The following ARFGAP2 variants were observed in gnomAD, a reference collection of about 807,000 sequenced individuals.
ARFGAP2 encodes ADP-ribosylation factor GTPase-activating protein 2.
Under a neutral mutation model 71.9 loss-of-function variants are expected in ARFGAP2, and 45 were observed. That is an observed-to-expected ratio of 0.63 (90% confidence interval 0.49 to 0.80). The LOEUF is 0.80. Ranked by LOEUF, ARFGAP2 falls within the 30% of genes least tolerant of loss-of-function variation. ARFGAP2 has a pLI of 0.00. For missense variants in ARFGAP2, 633 were observed against 673.9 expected (o/e 0.94, Z 0.67); for synonymous variants, 248 against 249.2 (o/e 1.00, Z 0.05).
chr11:47,171,937 A>C, intron 8 of ARFGAP2, 137 bp from the exon 9 acceptor site: 1 of 1,290,824 alleles, frequency 7.7e-7, no homozygotes, highest in Non-Finnish European at 1.1e-6. Flanking sequence ...CCCAACCAGC[A>C]TGGCCAAGAC....
Position 47,165,168 on chromosome 11 carries a change from G to A in ARFGAP2, c.*314C>T, listed in dbSNP as rs1044480204. On this transcript the variant is annotated 3_prime_UTR_variant, in exon 16 of 16. Transcript: ENST00000524782. ...AAGTCTGGACCCAGAATAAGCCATC[G>A]TGGGGGAACCCCCTTTCCCAGTATG... 2.7e-5 allele frequency: 10 copies of A among 365,736 alleles called. No individual in the cohort carries two copies. The highest frequency in any genetic ancestry group is 6.8e-4 in the Middle Eastern group (1 of 1,470). The allele number at this position is 365,736 out of a possible 1,614,324, so 22.7% of individuals were successfully genotyped here.
chr11:47,165,096 G>C lies in ARFGAP2; in HGVS notation c.*386C>G, dbSNP rs1410435878. On this transcript the variant is annotated 3_prime_UTR_variant, in exon 16 of 16. Transcript: ENST00000524782. ...AAGGCCTCGAACTAGAAGAACCCTA[G>C]AGCCAGCAAAAAAAGCCTTCTACCT... The C allele has an allele frequency of 9.3e-6, 2 of 215,000 alleles. No homozygotes were observed. The highest frequency in any genetic ancestry group is 1.8e-5 in the Non-Finnish European group (2 of 109,266). 13.3% of individuals were successfully genotyped at this position (215,000 alleles called of 1,614,324 possible).
In ARFGAP2 at chr11:47,171,506, T is replaced by C; in HGVS notation, c.861A>G (p.Lys287=). 2 of 1,614,218 alleles carry C rather than the reference T, an allele frequency of 1.2e-6. No homozygotes were observed. Among genetic ancestry groups the C allele is most frequent in the Non-Finnish European group, 1.7e-6 (2 of 1,180,044 alleles). ...CCAGATTCTGTAGCTTCTTTTCCTC[T>C]TTCTTACGATCAATCTGGAGCTCCT... ...AYQELQIDRK[K]EEKKLQNLEG... is the part of the protein sequence containing the mutation. Residue 287 remains lysine (K), a synonymous_variant, in exon 10 of 16, where the codon AAA becomes AAG. Transcript: ENST00000524782.
chr11:47,168,964 G>C (rs1385566705), intron 10 of ARFGAP2, among the ~76,000 whole-genome samples: 2 of 151,710 alleles, frequency 1.3e-5, no homozygotes, highest in African/African-American at 4.8e-5. Context: ...CCCAGCACCA[G>C]GGAAATGAAC....
intron 10 of ARFGAP2, among the ~76,000 whole-genome samples, chr11:47,168,824 G>A (rs1241503093): frequency 6.6e-6 from 1 of 151,984 alleles, no homozygotes; most frequent in South Asian, 2.1e-4. Context: ...TGCCTGGCTC[G>A]TGTTGTAATT....
At chr11:47,172,995 A>C in intron 7 of ARFGAP2, 1 of 354,504 alleles carries the variant, frequency 2.8e-6, no homozygotes, top group South Asian at 2.2e-5. Context: ...AGGAAAATGT[A>C]GGAAAGAGTT....
At chr11:47,166,159 G>T in intron 15 of ARFGAP2, 109 bp downstream of exon 15, 1 of 1,141,996 alleles carries the variant, frequency 8.8e-7, no homozygotes, top group Non-Finnish European at 1.3e-6. Flanking sequence ...ACCACACCCG[G>T]CCGAAAATGC....
intron 8 of ARFGAP2, 51 bp from the exon 9 acceptor site, chr11:47,171,851 C>G (rs1952613532): frequency 1.2e-6 from 2 of 1,603,908 alleles, no homozygotes; most frequent in East Asian, 2.2e-5. Context: ...CTCCTCAGAT[C>G]CCTCCCAGGT....
At chr11:47,169,412 T>C (rs954661574) in intron 10 of ARFGAP2, 16 of 152,208 alleles carry the variant, frequency 1.1e-4, no homozygotes, top group African/African-American at 3.4e-4. Context: ...GGTCTAGGGT[T>C]GGCAGGCAAT....
chr11:47,167,815 A>G (rs1451977567), intron 12 of ARFGAP2, 94 bp downstream of exon 12: 2 of 1,417,912 alleles, frequency 1.4e-6, no homozygotes, highest in African/African-American at 1.5e-5. Context: ...ATCAACACAG[A>G]AAGTTCTTCT....
rs114897638 is a variant in ARFGAP2, at chr11:47,174,126, C to T, written c.481-286G>A. Among the ~76,000 whole-genome samples the T allele has an allele frequency of 6.6e-3, 1,005 of 152,262 alleles. 7 individuals carry two copies. Among genetic ancestry groups the T allele is most frequent in the African/African-American group, 0.021 (878 of 41,542 alleles). ...CTAGGCAGGCACAGATCTAAAGGCTCCTCATATATGAATATATTTAATTAT... is the reference window on the plus strand; with the variant it reads ...CTAGGCAGGCACAGATCTAAAGGCTTCTCATATATGAATATATTTAATTAT... On this transcript the variant is annotated intron_variant, in intron 5 of 15. Coordinates refer to ENST00000524782, the MANE Select transcript of ARFGAP2 (RefSeq NM_032389.6).
chr11:47,168,057 AG>A lies in ARFGAP2; in HGVS notation c.1071-15del, dbSNP rs766721530. 6.2e-7 allele frequency: 1 copy of A among 1,614,088 alleles called. No individual in the cohort carries two copies. The highest frequency in any genetic ancestry group is 1.3e-5 in the African/African-American group (1 of 74,942). On this transcript the variant is annotated splice_polypyrimidine_tract_variant and intron_variant, in intron 11 of 15. Transcript: ENST00000524782. Reference sequence around the variant, plus strand: ...TTGTCCTTGTACCTAGGGAGACAGTAGAGTGGCTCAGAGAAGCCTGATGAGG... The same window carrying A: ...TTGTCCTTGTACCTAGGGAGACAGTAAGTGGCTCAGAGAAGCCTGATGAGG...
intron 6 of ARFGAP2, 55 bp from the exon 7 acceptor site, chr11:47,173,537 C>T (rs929789758): frequency 4.6e-6 from 7 of 1,511,808 alleles, no homozygotes; most frequent in Non-Finnish European, 6.2e-6. Context: ...TGCAACCTCC[C>T]CTTGAAAGAA....
Position 47,167,018 on chromosome 11 carries a change from G to A in ARFGAP2, c.1206-132C>T, listed in dbSNP as rs1468862588. The A allele has an allele frequency of 7.4e-6, 9 of 1,221,852 alleles. No individual in the cohort carries two copies. The African/African-American group carries it at 1.2e-4, about 17-fold the overall frequency. 75.7% of individuals were successfully genotyped at this position (1,221,852 alleles called of 1,614,324 possible). ...GGTCCCATTCTGTCTGTGGCTCTGT[G>A]GCTCTGGGCCCCTCTCCCCTGGTGA... On this transcript the variant is annotated intron_variant, in intron 12 of 15. Coordinates refer to ENST00000524782, the MANE Select transcript of ARFGAP2 (RefSeq NM_032389.6).
At chr11:47,172,869 A>G (rs1952657291) in intron 7 of ARFGAP2, 12 of 983,482 alleles carry the variant, frequency 1.2e-5, no homozygotes, top group African/African-American at 3.4e-5. Context: ...CAGCCTTCTC[A>G]TGGATCAGTC....
Position 47,165,122 on chromosome 11 carries a change from T to C in ARFGAP2, c.*360A>G, listed in dbSNP as rs374420177. The C allele has an allele frequency of 5.3e-4, 149 of 281,738 alleles. No homozygotes were observed. Among genetic ancestry groups the C allele is most frequent in the African/African-American group, 2.8e-3 (129 of 45,792 alleles). 17.5% of individuals were successfully genotyped at this position (281,738 alleles called of 1,614,324 possible). A position where few individuals can be genotyped will look rare whatever the true frequency, so the allele number is the denominator to read the frequency against. On this transcript the variant is annotated 3_prime_UTR_variant, in exon 16 of 16. Transcript: ENST00000524782. ...AGCCAGCAAAAAAAGCCTTCTACCT[T>C]CCGCTTTCCCTACCTGGGGAAAGTC...
In ARFGAP2 at chr11:47,165,416, C is replaced by T. The variant is rs1952307373; in HGVS notation, c.*66G>A. 1 of 1,534,624 alleles carries T rather than the reference C, an allele frequency of 6.5e-7. No individual in the cohort carries two copies. The highest frequency in any genetic ancestry group is 8.8e-7 in the Non-Finnish European group (1 of 1,140,170). On this transcript the variant is annotated 3_prime_UTR_variant, in exon 16 of 16. Transcript: ENST00000524782. ...CCCAGCTTCCACAAGGCAAAGCATC[C>T]CCAGCCTGGGAACTGTGGAGTTCTT...
chr11:47,168,318 A>C (rs1351964335), intron 10 of ARFGAP2, 67 bp from the exon 11 acceptor site: 3 of 1,599,158 alleles, frequency 1.9e-6, no homozygotes, highest in Non-Finnish European at 2.6e-6. Flanking sequence ...CACAAGAGAC[A>C]ATGCCCAGCA....
chr11:47,174,785 C>A, intron 5 of ARFGAP2: 1 of 519,458 alleles, frequency 1.9e-6, no homozygotes, highest in South Asian at 2.2e-5. Flanking sequence ...CCTCTCTTCC[C>A]CGCCAGCCCA....
Sources: gnomAD v4.1 joint callset for allele counts (sites outside exome capture counted in the v4.1 genomes callset) on GRCh38, gnomAD v4.1.1 for gene constraint, MANE v1.5 for transcripts, NCBI Gene and HGNC (gene_info 2026-07-23, HGNC 2026-07-21) for gene names.